Variants in ZEB1 observed in about 807,000 individuals in gnomAD.
ZEB1 encodes the protein zinc finger E-box binding homeobox 1.
Under a neutral mutation model 84.9 loss-of-function variants are expected in ZEB1, and 21 were observed. The ratio of observed to expected loss-of-function variants is 0.25; its 90% CI spans 0.18 to 0.36. The LOEUF (loss-of-function observed/expected upper bound fraction) is 0.36. Ranked by LOEUF, ZEB1 falls within the 10% of genes least tolerant of loss-of-function variation. ZEB1 has a pLI of 1.00. For synonymous variants in ZEB1, 420 were observed against 471.1 expected (o/e 0.89, Z 1.41); for missense variants, 1,104 against 1,330.2 (o/e 0.83, Z 2.65).
At position 31,514,831 on chromosome 10, in the gene ZEB1, A is replaced by G. The variant is rs1426980087; in HGVS notation, c.793+123A>G. On this transcript the variant is annotated intron_variant, in intron 6 of 8. Coordinates refer to ENST00000424869, the MANE Select transcript of ZEB1 (RefSeq NM_001174096.2). ...CTTGCATTTCTTTTGGCATACACTA[A>G]TTGGGAGAAATTTTATGTTTATTTT... 14 of 738,934 alleles carry G rather than the reference A, an allele frequency of 1.9e-5. No individual in the cohort carries two copies. In the East Asian group the frequency reaches 3.8e-4, roughly 20 times the overall value. 45.8% of individuals were successfully genotyped at this position (738,934 alleles called of 1,614,324 possible).
At chr10:31,325,303 C>G (rs573576522) in intron 1 of ZEB1, among the ~76,000 whole-genome samples, 1 of 151,976 alleles carries the variant, frequency 6.6e-6, no homozygotes, top group South Asian at 2.1e-4. Context: ...AAAGGAAAAG[C>G]AAAAAATTGA....
At position 31,371,822 on chromosome 10, in the gene ZEB1, G is replaced by A. The variant is rs536288694; in HGVS notation, c.58+52530G>A. Among the ~76,000 whole-genome samples the A allele has an allele frequency of 3.3e-4, 50 of 152,198 alleles. No homozygotes were observed. The South Asian group carries it at 9.9e-3, about 30-fold the overall frequency. ...GCTATTTCTAGTATATCTAACTGAGGGTCAGTGTTATTAACTCAAAGACAT... is the reference window on the plus strand; with the variant it reads ...GCTATTTCTAGTATATCTAACTGAGAGTCAGTGTTATTAACTCAAAGACAT... On this transcript the variant is annotated intron_variant, in intron 1 of 8. Coordinates refer to ENST00000424869, the MANE Select transcript of ZEB1 (RefSeq NM_001174096.2).
chr10:31,479,874 T>G (rs1456672982), intron 2 of ZEB1, among the ~76,000 whole-genome samples: 1 of 151,978 alleles, frequency 6.6e-6, no homozygotes, highest in East Asian at 1.9e-4. Flanking sequence ...TGCTATTGAC[T>G]TAAAATACTA....
At chr10:31,518,802 T>TGAACTCTTCATGTCAA (rs2071685795) in intron 6 of ZEB1, among the ~76,000 whole-genome samples, 2 of 152,256 alleles carry the variant, frequency 1.3e-5, no homozygotes, top group South Asian at 4.1e-4. Flanking sequence ...AAGAATGATA[T>TGAACTCTTCATGTCAA]GAAATGAACT....
chr10:31,407,794 A>G lies in ZEB1; in HGVS notation c.59-53243A>G, dbSNP rs948295712. 5.3e-4 allele frequency among the ~76,000 whole-genome samples: 81 copies of G among 151,426 alleles called. 2 individuals carry two copies. The highest frequency in any genetic ancestry group is 1.9e-3 in the African/African-American group (79 of 41,224). ...AAACCCACAGCCAATATCATACTGA[A>G]TGGGCAAAAACTGGAAGCATTCCCT... On this transcript the variant is annotated intron_variant, in intron 1 of 8. Transcript: ENST00000424869.
At chr10:31,433,018 T>C (rs2057903244) in intron 1 of ZEB1, among the ~76,000 whole-genome samples, 1 of 149,212 alleles carries the variant, frequency 6.7e-6, no homozygotes, top group African/African-American at 2.6e-5. Flanking sequence ...TAGATAATTG[T>C]GGATATTCTT....
intron 2 of ZEB1, among the ~76,000 whole-genome samples, chr10:31,485,212 C>G (rs2065563580): frequency 6.6e-6 from 1 of 151,840 alleles, no homozygotes; most frequent in Non-Finnish European, 1.5e-5. Flanking sequence ...TTAAGAGTCT[C>G]AAAACAATTT....
chr10:31,407,589 A>G (rs1037169946), intron 1 of ZEB1, among the ~76,000 whole-genome samples: 11 of 152,164 alleles, frequency 7.2e-5, no homozygotes, highest in Non-Finnish European at 1.3e-4. Flanking sequence ...AGCATGATTT[A>G]TAGTCCTTTG....
intron 1 of ZEB1, among the ~76,000 whole-genome samples, chr10:31,322,950 A>C (rs138099550): frequency 0.015 from 2,327 of 152,160 alleles, 37 homozygotes; most frequent in Non-Finnish European, 0.021. Flanking sequence ...GACTGTGCTG[A>C]TTGGGACCTT....
At chr10:31,481,033 T>C (rs1457769920) in intron 2 of ZEB1, among the ~76,000 whole-genome samples, 1 of 152,100 alleles carries the variant, frequency 6.6e-6, no homozygotes, top group Non-Finnish European at 1.5e-5. Context: ...CTATGCCTAC[T>C]ACCCTGTTTC....
intron 1 of ZEB1, among the ~76,000 whole-genome samples, chr10:31,435,516 T>A (rs1334763611): frequency 2.6e-5 from 4 of 152,162 alleles, no homozygotes; most frequent in African/African-American, 9.7e-5. Context: ...GAGTAAAGGA[T>A]AAAGCATGTT....
intron 1 of ZEB1, among the ~76,000 whole-genome samples, chr10:31,394,859 C>T (rs1048439458): frequency 6.6e-6 from 1 of 152,084 alleles, no homozygotes; most frequent in African/African-American, 2.4e-5. Flanking sequence ...GGGGCTTGAG[C>T]TAGTGTGGTG....
In ZEB1 at chr10:31,526,761, A is replaced by G; in HGVS notation, c.2875A>G (p.Lys959Glu). The change falls in exon 9 of 9, where the codon AAG (lysine) becomes GAG (glutamate). Residue 959 changes from lysine (K) to glutamate (E), a missense_variant. By Grantham distance (56) the Lys-to-Glu change is moderately conservative. Coordinates refer to ENST00000424869, the MANE Select transcript of ZEB1 (RefSeq NM_001174096.2). ...ACACATGCGATTACATTCTGGAGAA[A>G]AGCCCTATCAATGTGACAAATGTGG... ...IEHMRLHSGE[K>E]PYQCDKCGKR... is the part of the protein sequence containing the mutation. The G allele has an allele frequency of 6.2e-7, 1 of 1,614,142 alleles. No homozygotes were observed.
chr10:31,375,046 T>TACACACACACACACACACAC (rs146271736), intron 1 of ZEB1: 61 of 132,404 alleles, frequency 4.6e-4, no homozygotes, highest in East Asian at 1.5e-3. Flanking sequence ...ATGTTTTTCA[T>TACACACACACACACACACAC]ACACACACAC....
chr10:31,526,684 A>C lies in ZEB1; in HGVS notation c.2798A>C (p.His933Pro). Reference protein sequence around the residue: ...HKYEHTGKRPHECGICKKAFK... With the variant: ...HKYEHTGKRPPECGICKKAFK... ...TCTTATTTTGCAGGTAAAAGACCTC[A>C]TGAGTGTGGAATCTGTAAAAAGGCA... The change falls in exon 9 of 9, where the codon CAT becomes CCT. Residue 933 changes from histidine (H) to proline (P), a missense_variant. Physicochemically the swap from His to Pro is moderately conservative, Grantham distance 77 (BLOSUM62 -2). This residue lies in a region of ZEB1 where 53 missense variants were observed against 92.5 expected (regional missense o/e 0.57). Transcript: ENST00000424869. The C allele has an allele frequency of 6.2e-7, 1 of 1,613,956 alleles. No individual in the cohort carries two copies.
intron 4 of ZEB1, among the ~76,000 whole-genome samples, chr10:31,507,337 G>C (rs928018149): frequency 6.6e-6 from 1 of 151,984 alleles, no homozygotes; most frequent in Admixed American, 6.6e-5. Context: ...GTATCTATTT[G>C]GGGGTGCGCT....
At chr10:31,385,647 C>A (rs1050725531) in intron 1 of ZEB1, among the ~76,000 whole-genome samples, 2 of 151,956 alleles carry the variant, frequency 1.3e-5, no homozygotes, top group Non-Finnish European at 2.9e-5. Flanking sequence ...CTGCCTTAGC[C>A]CCCCCAAGTA....
chr10:31,330,534 A>G (rs2036518397), intron 1 of ZEB1, among the ~76,000 whole-genome samples: 2 of 152,330 alleles, frequency 1.3e-5, no homozygotes, highest in South Asian at 4.1e-4. Flanking sequence ...ATTTAGCACT[A>G]TACCAATTCA....
At chr10:31,457,985 T>G (rs2061429292) in intron 1 of ZEB1, among the ~76,000 whole-genome samples, 2 of 152,048 alleles carry the variant, frequency 1.3e-5, no homozygotes, top group Non-Finnish European at 1.5e-5. Context: ...GGCATCAGCA[T>G]AAAACCATGG....
Sources: gnomAD v4.1 joint callset for allele counts (sites outside exome capture counted in the v4.1 genomes callset) on GRCh38, gnomAD v4.1.1 for gene constraint, gnomAD v4.1.1 regional missense constraint, MANE v1.5 for transcripts, NCBI Gene and HGNC (gene_info 2026-07-23, HGNC 2026-07-21) for gene names.